Variants in ZNF680 observed in about 807,000 individuals in gnomAD.
The protein encoded by ZNF680 is zinc finger protein 680.
ZNF680 carries 6 observed loss-of-function variants against 12.1 expected under a neutral mutation model. The ratio of observed to expected loss-of-function variants is 0.49; its 90% CI spans 0.27 to 0.98. The LOEUF is 0.98. Ranked by LOEUF, ZNF680 falls within the 50% of genes least tolerant of loss-of-function variation. ZNF680 has a pLI of 0.12. For missense variants in ZNF680, 561 were observed against 616.3 expected (o/e 0.91, Z 0.95); for synonymous variants, 170 against 199.3 (o/e 0.85, Z 1.24).
chr7:64,539,262 G>T (rs892235807), intron 3 of ZNF680, among the ~76,000 whole-genome samples: 20 of 146,712 alleles, frequency 1.4e-4, no homozygotes, highest in African/African-American at 4.6e-4. Context: ...GAAGCTGAGG[G>T]AGGAGAATTG....
At position 64,522,013 on chromosome 7, in the gene ZNF680, A is replaced by G. The variant is rs1188101798; in HGVS notation, c.741T>C (p.Phe247=). ...GTTTAATAAGGGTTGAGGATTGGTT[A>G]AAGGCTTTGCCACATTCCTCACATT... is the stretch of plus-strand genomic sequence containing the variant. ...PYKCEECGKA[F]NQSSTLIKHK... is the part of the protein sequence containing the mutation. Residue 247 remains phenylalanine, a synonymous_variant, in exon 4 of 4, where the codon TTT becomes TTC. Coordinates refer to ENST00000309683, the MANE Select transcript of ZNF680 (RefSeq NM_178558.5). 3 of 1,612,996 alleles carry G rather than the reference A, an allele frequency of 1.9e-6. No homozygotes were observed. Among genetic ancestry groups the G allele is most frequent in the Middle Eastern group, 1.6e-4 (1 of 6,078 alleles).
At chr7:64,526,050 A>G (rs751015008) in intron 3 of ZNF680, 200 of 974,892 alleles carry the variant, frequency 2.1e-4, no homozygotes, top group Non-Finnish European at 2.3e-4. Context: ...AAACCAAAAC[A>G]ATTAACTCAT....
At chr7:64,526,582 A>T (rs994836480) in intron 3 of ZNF680, 70 of 394,454 alleles carry the variant, frequency 1.8e-4, no homozygotes, top group African/African-American at 1.0e-3. Context: ...ATGATGCTGG[A>T]CAGCATCATA....
At chr7:64,522,756 G>C (rs1366004540) in intron 3 of ZNF680, among the ~76,000 whole-genome samples, 1 of 151,894 alleles carries the variant, frequency 6.6e-6, no homozygotes, top group Non-Finnish European at 1.5e-5. Context: ...AGAGAATCTT[G>C]TGAGTTGCAG....
At chr7:64,560,334 G>A (rs1451909178) in intron 1 of ZNF680, among the ~76,000 whole-genome samples, 2 of 151,902 alleles carry the variant, frequency 1.3e-5, no homozygotes, top group Admixed American at 6.6e-5. Flanking sequence ...GGCTGGCCTC[G>A]AATTCCTGAC....
At chr7:64,526,613 G>A (rs1270905445) in intron 3 of ZNF680, 2 of 339,726 alleles carry the variant, frequency 5.9e-6, no homozygotes, top group Non-Finnish European at 1.1e-5. Context: ...TAAATATAAA[G>A]CTATTAAATG....
At chr7:64,557,112 G>C (rs961417271) in intron 1 of ZNF680, among the ~76,000 whole-genome samples, 2 of 152,034 alleles carry the variant, frequency 1.3e-5, no homozygotes, top group African/African-American at 4.8e-5. Context: ...TTAGCCAGGC[G>C]TAGTGGCAGT....
the ZNF680 span, among the ~76,000 whole-genome samples, chr7:64,512,964 G>T: frequency 1.3e-5 from 2 of 152,160 alleles, no homozygotes; most frequent in East Asian, 3.9e-4. Flanking sequence ...AATGTAAATA[G>T]GTAATCAAAA....
intron 1 of ZNF680, among the ~76,000 whole-genome samples, chr7:64,552,366 T>C (rs1787127988): frequency 6.6e-6 from 1 of 152,192 alleles, no homozygotes; most frequent in South Asian, 2.1e-4. Flanking sequence ...ACCAGCACTT[T>C]TTGATGAAAA....
chr7:64,521,394 C>T lies in ZNF680; in HGVS notation c.1360G>A (p.Val454Ile). ...TAGGATTTCTCTCCAGTATGAATTA[C>T]TTTATGGTTAGTAAGGGTTGAAAAT... Reference protein sequence around the residue: ...TLFSTLTNHKVIHTGEKSYKC... With the variant: ...TLFSTLTNHKIIHTGEKSYKC... Residue 454 changes from valine to isoleucine, a missense_variant, in exon 4 of 4, where the codon GTA becomes ATA. Coordinates refer to ENST00000309683, the MANE Select transcript of ZNF680 (RefSeq NM_178558.5). 6.2e-7 allele frequency: 1 copy of T among 1,611,476 alleles called. No individual in the cohort carries two copies. The highest frequency in any genetic ancestry group is 8.5e-7 in the Non-Finnish European group (1 of 1,178,864).
chr7:64,541,230 A>G (rs73130760), intron 3 of ZNF680, among the ~76,000 whole-genome samples: 34,296 of 152,028 alleles, frequency 0.23, 4,057 homozygotes, highest in South Asian at 0.28. Flanking sequence ...AGTAACATCA[A>G]CCATATCATG....
At chr7:64,528,198 G>T (rs889940856) in intron 3 of ZNF680, among the ~76,000 whole-genome samples, 1 of 152,128 alleles carries the variant, frequency 6.6e-6, no homozygotes, top group Non-Finnish European at 1.5e-5. Context: ...GGCATCACAA[G>T]GATCTTTTTG....
At chr7:64,530,829 GC>G (rs1785826683) in intron 3 of ZNF680, among the ~76,000 whole-genome samples, 1 of 151,246 alleles carries the variant, frequency 6.6e-6, no homozygotes, top group Admixed American at 6.6e-5. Context: ...CTGCACTCCA[GC>G]CTGGGCAACA....
At chr7:64,508,147 A>ATATATAT in the ZNF680 span, among the ~76,000 whole-genome samples, 17 of 135,306 alleles carry the variant, frequency 1.3e-4, no homozygotes, top group East Asian at 1.1e-3. Context: ...ATATATACAT[A>ATATATAT]ATTTTTTTTT....
chr7:64,545,765 C>T (rs550721508), intron 1 of ZNF680, among the ~76,000 whole-genome samples: 3 of 152,164 alleles, frequency 2.0e-5, no homozygotes, highest in African/African-American at 7.2e-5. Context: ...TGATAAATGC[C>T]ATTCTGTTTA....
chr7:64,519,206 G>T (rs904950479), downstream of ZNF680, among the ~76,000 whole-genome samples: 13 of 151,190 alleles, frequency 8.6e-5, no homozygotes, highest in Admixed American at 2.7e-4. Context: ...CTCAAAAGAA[G>T]ATATACGAAT....
chr7:64,552,144 C>T (rs1321985647), intron 1 of ZNF680: 1 of 152,138 alleles, frequency 6.6e-6, no homozygotes, highest in Non-Finnish European at 1.5e-5. Flanking sequence ...CCCTCCGCCT[C>T]CCAGGTTAAA....
chr7:64,532,075 G>T (rs915084584), intron 3 of ZNF680, among the ~76,000 whole-genome samples: 1 of 152,162 alleles, frequency 6.6e-6, no homozygotes, highest in African/African-American at 2.4e-5. Context: ...GGAGGCCCAG[G>T]GGGGCAGATT....
chr7:64,550,615 G>C (rs537393086), intron 1 of ZNF680, among the ~76,000 whole-genome samples: 160 of 152,284 alleles, frequency 1.1e-3, no homozygotes, highest in African/African-American at 3.8e-3. Context: ...TGAGCCTCAT[G>C]GTCTCTGAAT....
Sources: gnomAD v4.1 joint callset for allele counts (sites outside exome capture counted in the v4.1 genomes callset) on GRCh38, gnomAD v4.1.1 for gene constraint, MANE v1.5 for transcripts, NCBI Gene and HGNC (gene_info 2026-07-23, HGNC 2026-07-21) for gene names.